Variants in LCORL observed in about 807,000 individuals in gnomAD.
LCORL encodes the protein ligand dependent nuclear receptor corepressor like.
A neutral mutation model predicts 141.8 loss-of-function variants in LCORL; 41 were observed. The observed-to-expected ratio is 0.29, with a 90% confidence interval of 0.23 to 0.38. The LOEUF is 0.38. Among genes scored for constraint, LCORL ranks in the 10% least tolerant of loss-of-function variants. The pLI, the probability that LCORL is intolerant of heterozygous loss-of-function variation, is 1.00. For synonymous variants in LCORL, 618 were observed against 694.1 expected (o/e 0.89, Z 1.72); for missense variants, 1,759 against 2,035.0 (o/e 0.86, Z 2.61).
intron 1 of LCORL, among the ~76,000 whole-genome samples, chr4:17,990,496 C>A (rs1191898655): frequency 7.4e-6 from 1 of 135,570 alleles, no homozygotes; most frequent in African/African-American, 2.8e-5. Flanking sequence ...ACAAACTAAT[C>A]ATGAGGTGAG....
chr4:17,917,428 G>T (rs1034832618), intron 4 of LCORL, among the ~76,000 whole-genome samples: 21 of 152,142 alleles, frequency 1.4e-4, no homozygotes, highest in African/African-American at 4.8e-4. Flanking sequence ...CCCGACCTCA[G>T]GTGATCTGCC....
intron 7 of LCORL, among the ~76,000 whole-genome samples, chr4:17,868,881 A>G (rs557267935): frequency 2.0e-5 from 3 of 152,170 alleles, no homozygotes; most frequent in East Asian, 1.9e-4. Context: ...GTTCTATCCT[A>G]TATTTCTTGA....
intron 1 of LCORL, among the ~76,000 whole-genome samples, chr4:17,998,986 ATATATATATATATATATACACAC>A (rs1560464104): frequency 3.0e-4 from 15 of 49,720 alleles, no homozygotes; most frequent in African/African-American, 9.8e-4. Context: ...AAAAAAAAAA[ATATATATATATATATATACACAC>A]ATATATATAT....
chr4:17,866,003 C>T (rs187098881), intron 7 of LCORL, among the ~76,000 whole-genome samples: 1 of 152,240 alleles, frequency 6.6e-6, no homozygotes, highest in Admixed American at 6.5e-5. Flanking sequence ...TGGGGAGCCA[C>T]TGAAAGTAGA....
intron 4 of LCORL, among the ~76,000 whole-genome samples, chr4:17,923,731 G>A (rs2075885725): frequency 6.6e-6 from 1 of 151,974 alleles, no homozygotes; most frequent in South Asian, 2.1e-4. Flanking sequence ...GTAGAGGAAG[G>A]GATCCAAAGG....
chr4:17,842,513 G>C, exon 8 of LCORL: 1 of 693,888 alleles, frequency 1.4e-6, no homozygotes, highest in Non-Finnish European at 2.5e-6. Flanking sequence ...AGCTGTCTTA[G>C]GTATATAGTC....
At chr4:17,978,788 G>C (rs1717454565) in intron 1 of LCORL, among the ~76,000 whole-genome samples, 1 of 152,124 alleles carries the variant, frequency 6.6e-6, no homozygotes, top group African/African-American at 2.4e-5. Context: ...CCAGATTCAA[G>C]GGCACTGCAT....
At chr4:17,902,689 AGG>A (rs1731060720) in intron 5 of LCORL, among the ~76,000 whole-genome samples, 1 of 152,116 alleles carries the variant, frequency 6.6e-6, no homozygotes, top group Non-Finnish European at 1.5e-5. Context: ...GCAGCAACAA[AGG>A]ATACTTAATG....
exon 7 of LCORL, chr4:17,877,057 T>C: frequency 1.6e-6 from 2 of 1,230,632 alleles, no homozygotes; most frequent in Non-Finnish European, 2.0e-6. Flanking sequence ...TCGGTGTATT[T>C]TTTTCTTGTA....
At chr4:18,009,601 A>C (rs1293010523) in intron 1 of LCORL, among the ~76,000 whole-genome samples, 1 of 151,834 alleles carries the variant, frequency 6.6e-6, no homozygotes, top group Non-Finnish European at 1.5e-5. Context: ...ATATACCTAC[A>C]CCAGGCTGCA....
intron 4 of LCORL, among the ~76,000 whole-genome samples, chr4:17,951,813 T>C (rs111495635): frequency 0.014 from 2,139 of 152,356 alleles, 18 homozygotes; most frequent in Middle Eastern, 0.02. Context: ...TTAGTAAATC[T>C]TTCTTAAATT....
chr4:17,898,522 G>A (rs1029941882), intron 5 of LCORL, among the ~76,000 whole-genome samples: 12 of 152,000 alleles, frequency 7.9e-5, no homozygotes, highest in Middle Eastern at 3.4e-3. Flanking sequence ...ATTCATTGTC[G>A]TTAGTTTTTG....
exon 7 of LCORL, chr4:17,875,247 C>T (rs1726793064): frequency 8.1e-7 from 1 of 1,231,412 alleles, no homozygotes; most frequent in Non-Finnish European, 1.0e-6. Flanking sequence ...TGCCGGTCTA[C>T]CAGGCTTCCT....
intron 4 of LCORL, among the ~76,000 whole-genome samples, chr4:17,926,427 T>C (rs1735160436): frequency 6.6e-6 from 1 of 152,240 alleles, no homozygotes; most frequent in Admixed American, 6.5e-5. Flanking sequence ...TGCTGGAAGC[T>C]TCCTGCCCTC....
exon 8 of LCORL, chr4:17,843,748 G>GTAAC (rs1160841945): frequency 1.2e-5 from 2 of 172,542 alleles, no homozygotes; most frequent in East Asian, 1.4e-4. Flanking sequence ...ACTTACAAGT[G>GTAAC]TAACTAGCTA....
exon 7 of LCORL, chr4:17,875,092 A>G: frequency 1.6e-6 from 2 of 1,233,606 alleles, no homozygotes; most frequent in Non-Finnish European, 1.0e-6. Context: ...ATTTGAGTGC[A>G]CTGTTGGTCA....
chr4:17,890,007 GTAAT>G (rs1386097190), intron 5 of LCORL, among the ~76,000 whole-genome samples: 2 of 151,972 alleles, frequency 1.3e-5, no homozygotes, highest in Non-Finnish European at 2.9e-5. Context: ...GGAGGGGGAG[GTAAT>G]TAATTCAATT....
At chr4:17,965,814 C>G (rs1346537109) in intron 2 of LCORL, among the ~76,000 whole-genome samples, 1 of 152,058 alleles carries the variant, frequency 6.6e-6, no homozygotes, top group Non-Finnish European at 1.5e-5. Flanking sequence ...TGAAACACCT[C>G]AACAGATGTA....
chr4:17,877,146 C>G, exon 7 of LCORL: 14 of 1,230,694 alleles, frequency 1.1e-5, no homozygotes, highest in Non-Finnish European at 1.4e-5. Context: ...AGAGGAGTTG[C>G]GCATTGCAAA....
Sources: allele counts gnomAD v4.1 joint callset (sites outside exome capture counted in the v4.1 genomes callset), GRCh38; gene constraint gnomAD v4.1.1; transcripts MANE v1.5; gene names NCBI Gene and HGNC (gene_info 2026-07-23, HGNC 2026-07-21).